Variants in TENM2 observed in about 807,000 individuals in gnomAD.
TENM2 encodes the protein teneurin transmembrane protein 2.
TENM2 carries 52 observed loss-of-function variants against 245.2 expected under a neutral mutation model. That is an observed-to-expected ratio of 0.21 (90% confidence interval 0.17 to 0.27). The LOEUF (loss-of-function observed/expected upper bound fraction) is 0.27. Among genes scored for constraint, TENM2 ranks in the 10% least tolerant of loss-of-function variants. The pLI is 1.00. For missense variants in TENM2, 3,046 were observed against 3,666.8 expected (o/e 0.83, Z 4.37); for synonymous variants, 1,363 against 1,438.9 (o/e 0.95, Z 1.19).
rs916767827 is a variant in TENM2 at position 168,134,570 on chromosome 5, C to T, written c.2422+7604C>T. Among the ~76,000 whole-genome samples the T allele has an allele frequency of 5.3e-5, 8 of 152,124 alleles. 1 individual carries two copies. Among genetic ancestry groups the T allele is most frequent in the African/African-American group, 7.2e-5 (3 of 41,400 alleles). ...GGTGTGGTGGCGAGCACCTGTAATC[C>T]TAGCTACTCAGGAGGCTGAGGCAGG... On this transcript the variant is annotated intron_variant, in intron 12 of 28. Coordinates refer to ENST00000518659, the Ensembl canonical transcript of TENM2.
intron 2 of TENM2, among the ~76,000 whole-genome samples, chr5:167,477,434 G>A (rs887221731): frequency 1.0e-4 from 8 of 79,924 alleles, no homozygotes; most frequent in Admixed American, 7.1e-4. Context: ...CCCTGTTGGC[G>A]GGTGGGGGGG....
intron 25 of TENM2, among the ~76,000 whole-genome samples, chr5:168,239,946 G>A (rs889507580): frequency 1.3e-5 from 2 of 152,032 alleles, no homozygotes; most frequent in South Asian, 2.1e-4. Context: ...AGCTGGGCAC[G>A]GTGGCTCATG....
At chr5:168,123,751 A>G (rs1017033358) in intron 10 of TENM2, among the ~76,000 whole-genome samples, 5 of 152,246 alleles carry the variant, frequency 3.3e-5, no homozygotes, top group African/African-American at 1.2e-4. Flanking sequence ...CTGATCCACA[A>G]AGCCATATCT....
intron 2 of TENM2, among the ~76,000 whole-genome samples, chr5:167,546,789 C>T (rs1005061565): frequency 6.6e-6 from 1 of 152,138 alleles, no homozygotes; most frequent in African/African-American, 2.4e-5. Context: ...CTTCCATGCT[C>T]AAAAGACTAA....
intron 12 of TENM2, among the ~76,000 whole-genome samples, chr5:168,152,982 C>T: frequency 6.6e-6 from 1 of 152,156 alleles, no homozygotes; most frequent in East Asian, 1.9e-4. Context: ...TTTCCTTTTA[C>T]CTGGCTGTTG....
chr5:167,826,232 A>G (rs1767964991), intron 2 of TENM2, among the ~76,000 whole-genome samples: 1 of 152,230 alleles, frequency 6.6e-6, no homozygotes, highest in South Asian at 2.1e-4. Flanking sequence ...AGAAGTTTAA[A>G]TAGAATATTC....
the TENM2 span, among the ~76,000 whole-genome samples, chr5:167,268,873 C>CATAGATAGATAGATAG: frequency 2.2e-3 from 302 of 139,586 alleles, 1 homozygote; most frequent in East Asian, 6.0e-3. Flanking sequence ...CCAAAAGATA[C>CATAGATAGATAGATAG]ATAGATAGAT....
chr5:167,259,852 T>G, the TENM2 span, among the ~76,000 whole-genome samples: 1 of 152,166 alleles, frequency 6.6e-6, no homozygotes, highest in South Asian at 2.1e-4. Flanking sequence ...ATTCTCCTAC[T>G]TCCAATGTCT....
chr5:167,672,859 G>T (rs1180653041), intron 2 of TENM2, among the ~76,000 whole-genome samples: 3 of 144,718 alleles, frequency 2.1e-5, no homozygotes, highest in Non-Finnish European at 4.5e-5. Context: ...GATAGCTAAT[G>T]AAAAGTAAGC....
chr5:167,338,688 A>G lies in TENM2; in HGVS notation c.227-36510A>G, dbSNP rs1353271774. ...CACACTACCTTGCTTGCTATGTATT[A>G]GTTAGCATGGTCTTTTGTCAAAGAA... On this transcript the variant is annotated intron_variant, in intron 1 of 28. Transcript: ENST00000518659. 3.3e-5 allele frequency among the ~76,000 whole-genome samples: 5 copies of G among 152,298 alleles called. No homozygotes were observed. In the East Asian group the frequency reaches 7.7e-4, roughly 24 times the overall value.
intron 2 of TENM2, among the ~76,000 whole-genome samples, chr5:167,766,649 G>T (rs1262777118): frequency 6.6e-6 from 1 of 152,088 alleles, no homozygotes; most frequent in Non-Finnish European, 1.5e-5. Context: ...GGCTGAGGCG[G>T]GCAGATCACC....
intron 9 of TENM2, among the ~76,000 whole-genome samples, chr5:168,110,341 A>G (rs1794585197): frequency 6.6e-6 from 1 of 152,200 alleles, no homozygotes; most frequent in South Asian, 2.1e-4. Context: ...AGTGATGACT[A>G]TGTGCCAGGC....
intron 3 of TENM2, among the ~76,000 whole-genome samples, chr5:167,901,407 C>T (rs1271105616): frequency 1.3e-5 from 2 of 152,160 alleles, no homozygotes; most frequent in African/African-American, 4.8e-5. Context: ...CCAGGCTGAG[C>T]TATTACCTAA....
chr5:167,865,988 C>G (rs987529866), intron 2 of TENM2, among the ~76,000 whole-genome samples: 2 of 152,138 alleles, frequency 1.3e-5, no homozygotes, highest in African/African-American at 4.8e-5. Context: ...GTACTGGGTG[C>G]TAGGATACAA....
chr5:168,131,507 T>C (rs1393538550), intron 12 of TENM2, among the ~76,000 whole-genome samples: 1 of 152,112 alleles, frequency 6.6e-6, no homozygotes, highest in Non-Finnish European at 1.5e-5. Flanking sequence ...GTGATGTTAA[T>C]AAGGAAAATG....
At chr5:167,116,706 A>G in the TENM2 span, 4 of 152,292 alleles carry the variant, frequency 2.6e-5, no homozygotes, top group African/African-American at 9.6e-5. Flanking sequence ...GAAAAAAAAA[A>G]AAAGTGCTTT....
At chr5:167,300,832 G>T (rs1338469605) in intron 1 of TENM2, among the ~76,000 whole-genome samples, 5 of 152,108 alleles carry the variant, frequency 3.3e-5, no homozygotes, top group African/African-American at 1.2e-4. Context: ...AATAGTCAGG[G>T]AAGCCCATAA....
chr5:166,996,694 T>G, the TENM2 span, among the ~76,000 whole-genome samples: 146,648 of 152,298 alleles, frequency 0.96, 70,675 homozygotes, highest in African/African-American at 0.99. Context: ...GCGATTGTTA[T>G]GTTTTTGGAT....
intron 4 of TENM2, among the ~76,000 whole-genome samples, chr5:167,963,406 T>C (rs1781157140): frequency 6.6e-6 from 1 of 152,192 alleles, no homozygotes; most frequent in South Asian, 2.1e-4. Flanking sequence ...AGGAGCATGA[T>C]GCCATGCTAG....
Sources: allele counts gnomAD v4.1 joint callset (sites outside exome capture counted in the v4.1 genomes callset), GRCh38; gene constraint gnomAD v4.1.1; transcripts MANE v1.5; gene names NCBI Gene and HGNC (gene_info 2026-07-23, HGNC 2026-07-21).